GFRA2: variants seen among roughly 807,000 people sequenced by gnomAD.
GFRA2 encodes GDNF family receptor alpha 2, also known as GDNF family receptor alpha-2.
GFRA2 carries 17 observed loss-of-function variants against 48.3 expected under a neutral mutation model. That is an observed-to-expected ratio of 0.35 (90% CI 0.24 to 0.53). The LOEUF (loss-of-function observed/expected upper bound fraction) is 0.53. Among genes scored for constraint, GFRA2 ranks in the 20% least tolerant of loss-of-function variants. GFRA2 has a pLI of 0.93. For missense variants in GFRA2, 660 were observed against 637.3 expected (o/e 1.04, Z -0.38); for synonymous variants, 305 against 257.2 (o/e 1.19, Z -1.78).
At chr8:21,789,617 C>A (rs2117098856), upstream of GFRA2, among the ~76,000 whole-genome samples, 1 of 152,014 alleles carries the variant, frequency 6.6e-6, no homozygotes, top group East Asian at 1.9e-4. Flanking sequence ...CCCCGCGCGC[C>A]CCCGAACCCA....
chr8:21,808,302 G>C (rs954589661), intron 1 of GFRA2, among the ~76,000 whole-genome samples: 10 of 152,068 alleles, frequency 6.6e-5, no homozygotes, highest in Non-Finnish European at 1.5e-4. Context: ...TGTTATTTTT[G>C]AAATCACTTT....
At chr8:21,783,173 G>C (rs1301780957) in intron 1 of GFRA2, 6 of 618,650 alleles carry the variant, frequency 9.7e-6, no homozygotes, top group Middle Eastern at 2.5e-4. Context: ...AGCCAGGAAG[G>C]TCCCGGCTCA....
chr8:21,699,564 C>A (rs1563213420), intron 7 of GFRA2, among the ~76,000 whole-genome samples: 3 of 152,138 alleles, frequency 2.0e-5, no homozygotes, highest in Admixed American at 6.5e-5. Context: ...CAGGCCATGG[C>A]CAGGAAAGCA....
chr8:21,763,578 G>A (rs910227432), intron 3 of GFRA2, among the ~76,000 whole-genome samples: 10 of 152,112 alleles, frequency 6.6e-5, no homozygotes, highest in African/African-American at 1.7e-4. Context: ...CCCCACTGCC[G>A]TAGTCATATC....
At chr8:21,777,327 T>G (rs6420174) in intron 2 of GFRA2, among the ~76,000 whole-genome samples, 77,003 of 146,954 alleles carry the variant, frequency 0.52, 22,693 homozygotes, top group African/African-American at 0.82. Context: ...CGGGGTGGTG[T>G]GGGGGCCTGT....
intron 7 of GFRA2, among the ~76,000 whole-genome samples, chr8:21,699,310 T>A (rs1315552713): frequency 6.6e-6 from 1 of 151,942 alleles, no homozygotes; most frequent in Non-Finnish European, 1.5e-5. Flanking sequence ...GGCTGCAGAG[T>A]CGGCTGCAGG....
chr8:21,730,641 C>T (rs971735863), intron 4 of GFRA2, among the ~76,000 whole-genome samples: 9 of 152,120 alleles, frequency 5.9e-5, no homozygotes, highest in Non-Finnish European at 1.2e-4. Flanking sequence ...CACATACAAA[C>T]GCACACAGGT....
rs567544508 is a variant in GFRA2, at chr8:21,722,220, C to G, written c.795-16179G>C. 5.9e-4 allele frequency among the ~76,000 whole-genome samples: 90 copies of G among 152,258 alleles called. 1 individual carries two copies. The highest frequency in any genetic ancestry group is 1.3e-4 in the Non-Finnish European group (9 of 68,028). The stretch of plus-strand genomic sequence containing the variant: ...CTCTGTGCCCTTCCTCCTACTTGGA[C>G]TCCCTGCCCTGTCTGCCCACCTCCT... On this transcript the variant is annotated intron_variant, in intron 4 of 8. Coordinates refer to ENST00000524240, the MANE Select transcript of GFRA2 (RefSeq NM_001495.5).
intron 3 of GFRA2, among the ~76,000 whole-genome samples, chr8:21,768,007 T>A (rs1184794526): frequency 3.9e-5 from 6 of 152,076 alleles, no homozygotes; most frequent in Non-Finnish European, 8.8e-5. Flanking sequence ...AAAATGTCGA[T>A]CCCTCCAGCT....
chr8:21,759,212 C>A (rs1805748445), intron 3 of GFRA2, among the ~76,000 whole-genome samples: 1 of 151,900 alleles, frequency 6.6e-6, no homozygotes, highest in Non-Finnish European at 1.5e-5. Context: ...ATGGCAAAAC[C>A]CCGTCTCTAC....
At chr8:21,811,098 G>A (rs1807972116) in intron 1 of GFRA2, among the ~76,000 whole-genome samples, 1 of 152,152 alleles carries the variant, frequency 6.6e-6, no homozygotes, top group Admixed American at 6.5e-5. Context: ...GGAGAGAAGG[G>A]GAGCAGCCTG....
chr8:21,783,751 G>T (rs954819532), intron 1 of GFRA2, among the ~76,000 whole-genome samples: 8 of 151,770 alleles, frequency 5.3e-5, no homozygotes, highest in African/African-American at 1.9e-4. Context: ...GGCAAGCCTG[G>T]GGAGCATCCA....
At chr8:21,706,450 A>G (rs1208825267) in intron 4 of GFRA2, 2 of 459,858 alleles carry the variant, frequency 4.3e-6, no homozygotes, top group Non-Finnish European at 8.7e-6. Context: ...AAGTCCTTCA[A>G]CCCGGCACTG....
In GFRA2 at chr8:21,702,857, C is replaced by G. The variant is rs1802550907; in HGVS notation, c.1166G>C (p.Ser389Thr). 6.2e-7 allele frequency: 1 copy of G among 1,610,258 alleles called. No homozygotes were observed. Residue 389 changes from serine (S) to threonine (T), a missense_variant, in exon 7 of 9, where the codon AGT becomes ACT. Coordinates refer to ENST00000524240, the MANE Select transcript of GFRA2 (RefSeq NM_001495.5). Reference protein sequence around the residue: ...EKTPSLPDDLSDSTSLGTSVI... With the variant: ...EKTPSLPDDLTDSTSLGTSVI... ...ACTGGTCCCCAAGCTGGTACTGTCA[C>G]TGAGGTCATCTGGCAAAGAAGGCGT...
At chr8:21,794,727 C>T (rs1270519091) in intron 2 of GFRA2, among the ~76,000 whole-genome samples, 6 of 152,128 alleles carry the variant, frequency 3.9e-5, no homozygotes. Flanking sequence ...CCCTACCTCC[C>T]TCCTACTGGC....
chr8:21,736,672 T>C (rs577995536), intron 4 of GFRA2, among the ~76,000 whole-genome samples: 1 of 152,060 alleles, frequency 6.6e-6, no homozygotes, highest in East Asian at 1.9e-4. Context: ...ATTTTTTCCT[T>C]TGTATTTTTA....
At chr8:21,704,919 G>C in intron 6 of GFRA2, 66 bp downstream of exon 6, 2 of 1,224,948 alleles carry the variant, frequency 1.6e-6, no homozygotes, top group Non-Finnish European at 2.4e-6. Context: ...AGATGGGAAT[G>C]GCTAGGACAG....
chr8:21,761,635 G>T (rs1805915977), intron 3 of GFRA2, among the ~76,000 whole-genome samples: 1 of 152,200 alleles, frequency 6.6e-6, no homozygotes, highest in African/African-American at 2.4e-5. Context: ...ATAGTACACA[G>T]GCAATAAATG....
intron 3 of GFRA2, among the ~76,000 whole-genome samples, chr8:21,773,274 A>G (rs1168099001): frequency 6.6e-6 from 1 of 152,164 alleles, no homozygotes; most frequent in African/African-American, 2.4e-5. Context: ...GAGCCTCTGT[A>G]TGACCCCACT....
Sources: allele counts gnomAD v4.1 joint callset (sites outside exome capture counted in the v4.1 genomes callset), GRCh38; gene constraint gnomAD v4.1.1; transcripts MANE v1.5; gene names NCBI Gene and HGNC (gene_info 2026-07-23, HGNC 2026-07-21).